PRKAR1B: variants seen among roughly 807,000 people sequenced by gnomAD.
PRKAR1B encodes the protein protein kinase cAMP-dependent type I regulatory subunit beta.
Under a neutral mutation model 46.5 loss-of-function variants are expected in PRKAR1B, and 22 were observed. The observed-to-expected ratio is 0.47, with a 90% CI of 0.34 to 0.68. The LOEUF (loss-of-function observed/expected upper bound fraction) is 0.68. Ranked by LOEUF, PRKAR1B falls within the 30% of genes least tolerant of loss-of-function variation. The pLI is 0.01. For synonymous variants in PRKAR1B, 259 were observed against 217.7 expected (o/e 1.19, Z -1.67); for missense variants, 445 against 535.6 (o/e 0.83, Z 1.67).
At chr7:567,655 T>C (rs1287768404) in intron 9 of PRKAR1B, among the ~76,000 whole-genome samples, 2 of 152,078 alleles carry the variant, frequency 1.3e-5, no homozygotes, top group Non-Finnish European at 2.9e-5. Context: ...ATAAACACAA[T>C]GTGGGCCACT....
chr7:617,323 G>C (rs1583309193), intron 4 of PRKAR1B, among the ~76,000 whole-genome samples: 1 of 134,566 alleles, frequency 7.4e-6, no homozygotes, highest in Admixed American at 7.6e-5. Context: ...TTTTTTTAAA[G>C]AGACCGAGTC....
intron 1 of PRKAR1B, among the ~76,000 whole-genome samples, chr7:724,613 G>C (rs1273117460): frequency 6.6e-6 from 1 of 152,210 alleles, no homozygotes; most frequent in Admixed American, 6.5e-5. Flanking sequence ...CTAATACACT[G>C]TGTTTACTTA....
At chr7:597,228 T>C (rs189216896) in intron 6 of PRKAR1B, among the ~76,000 whole-genome samples, 2 of 152,266 alleles carry the variant, frequency 1.3e-5, no homozygotes, top group African/African-American at 2.4e-5. Flanking sequence ...CAATGAATCA[T>C]GGAATCAATT....
At chr7:578,929 G>C in intron 9 of PRKAR1B, 1 of 874,460 alleles carries the variant, frequency 1.1e-6, no homozygotes, top group Non-Finnish European at 1.5e-6. Flanking sequence ...TGATCCACCC[G>C]CCTCAGCCTC....
chr7:581,128 G>A (rs917305595), intron 8 of PRKAR1B, among the ~76,000 whole-genome samples: 14 of 151,864 alleles, frequency 9.2e-5, no homozygotes, highest in Non-Finnish European at 1.9e-4. Flanking sequence ...ACGGTGAAAC[G>A]CCGTCTCTAC....
At chr7:716,942 G>A (rs1172568217) in intron 1 of PRKAR1B, 1 of 152,240 alleles carries the variant, frequency 6.6e-6, no homozygotes, top group African/African-American at 2.4e-5. Context: ...AGGACTGAGA[G>A]GCTGAGCATG....
At chr7:636,952 G>A (rs1054940521) in intron 4 of PRKAR1B, among the ~76,000 whole-genome samples, 16 of 152,310 alleles carry the variant, frequency 1.1e-4, no homozygotes. Context: ...AAGGTGGGGG[G>A]TGGGGAGTGC....
At chr7:609,362 A>C (rs1292700668) in intron 4 of PRKAR1B, among the ~76,000 whole-genome samples, 1 of 152,202 alleles carries the variant, frequency 6.6e-6, no homozygotes, top group Non-Finnish European at 1.5e-5. Context: ...ATTCCATTAA[A>C]TGCCTTAAGT....
At chr7:635,598 C>G (rs1488942705) in intron 4 of PRKAR1B, among the ~76,000 whole-genome samples, 2 of 152,168 alleles carry the variant, frequency 1.3e-5, no homozygotes, top group East Asian at 3.9e-4. Context: ...CCGGAAGGCT[C>G]GGGACTCCTC....
chr7:582,415 G>A (rs1259644305), intron 8 of PRKAR1B, among the ~76,000 whole-genome samples: 1 of 152,242 alleles, frequency 6.6e-6, no homozygotes, highest in Non-Finnish European at 1.5e-5. Flanking sequence ...CGGAGACACC[G>A]CCCCGCCAGC....
intron 8 of PRKAR1B, among the ~76,000 whole-genome samples, chr7:583,336 TAC>T (rs1780311800): frequency 6.6e-6 from 1 of 151,852 alleles, no homozygotes; most frequent in Non-Finnish European, 1.5e-5. Flanking sequence ...CCACACTGCA[TAC>T]ACACACGTGC....
chr7:670,516 C>T (rs986092287), intron 4 of PRKAR1B, among the ~76,000 whole-genome samples: 2 of 147,712 alleles, frequency 1.4e-5, no homozygotes, highest in Non-Finnish European at 3.0e-5. Flanking sequence ...GGACCGAGGA[C>T]GGCCTCTGAG....
intron 4 of PRKAR1B, among the ~76,000 whole-genome samples, chr7:660,004 G>A (rs557415106): frequency 6.6e-6 from 1 of 152,232 alleles, no homozygotes; most frequent in South Asian, 2.1e-4. Context: ...CGAGGAGCCA[G>A]TGGCCTCTCT....
At chr7:620,972 T>C (rs550035872) in intron 4 of PRKAR1B, among the ~76,000 whole-genome samples, 1 of 152,332 alleles carries the variant, frequency 6.6e-6, no homozygotes, top group South Asian at 2.1e-4. Flanking sequence ...TGCTAAGAAT[T>C]TATGCAATAG....
rs916713362 is a variant in PRKAR1B at position 593,092 on chromosome 7, C to T, written c.708+3054G>A. Among the ~76,000 whole-genome samples the T allele has an allele frequency of 6.6e-6, 1 of 152,192 alleles. No homozygotes were observed. Among genetic ancestry groups the T allele is most frequent in the African/African-American group, 2.4e-5 (1 of 41,448 alleles). ...AAAAAGCAAGTCTGGGGAGTGCTGG[C>T]CCCGGGCTGGGCCCCTGCCTGGGAG... On this transcript the variant is annotated intron_variant, in intron 7 of 10. Coordinates refer to ENST00000537384, the MANE Select transcript of PRKAR1B (RefSeq NM_001164760.2). This position sits in a 1 kb window ranked among gnomAD's most constrained non-coding sequence, Gnocchi z 6.1.
intron 4 of PRKAR1B, among the ~76,000 whole-genome samples, chr7:675,977 G>A (rs2128504821): frequency 6.6e-6 from 1 of 152,132 alleles, no homozygotes; most frequent in South Asian, 2.1e-4. Flanking sequence ...TTTAAAAAAT[G>A]CAAACAGCCG....
chr7:683,875 A>G (rs1016500641), intron 2 of PRKAR1B, among the ~76,000 whole-genome samples: 1 of 152,254 alleles, frequency 6.6e-6, no homozygotes, highest in Non-Finnish European at 1.5e-5. Flanking sequence ...ATCACAGCCA[A>G]GGGCAGTTTC....
rs1784040399 is a variant in PRKAR1B, at chr7:549,441, A to C, written c.*989T>G. On this transcript the variant is annotated 3_prime_UTR_variant, in exon 11 of 11. Coordinates refer to ENST00000537384, the MANE Select transcript of PRKAR1B (RefSeq NM_001164760.2). ...CAGGAGCAACATCAGGTGAACTGCA[A>C]TGACCTCGCTTGTCTTTCGGGGGAA... 1 of 152,346 alleles carries C rather than the reference A, an allele frequency of 6.6e-6. No homozygotes were observed. Among genetic ancestry groups the C allele is most frequent in the Non-Finnish European group, 1.5e-5 (1 of 68,116 alleles). 9.4% of individuals were successfully genotyped at this position (152,346 alleles called of 1,614,324 possible). A position where few individuals can be genotyped will look rare whatever the true frequency, so the allele number is the denominator to read the frequency against.
At chr7:664,577 C>T (rs1008366138) in intron 4 of PRKAR1B, among the ~76,000 whole-genome samples, 9 of 152,146 alleles carry the variant, frequency 5.9e-5, no homozygotes, top group Non-Finnish European at 8.8e-5. Context: ...GATGTGGTAC[C>T]GGAGACCACA....
Sources: allele counts gnomAD v4.1 joint callset (sites outside exome capture counted in the v4.1 genomes callset), GRCh38; gene constraint gnomAD v4.1.1; non-coding constraint Gnocchi (gnomAD v3.1); transcripts MANE v1.5; gene names NCBI Gene and HGNC (gene_info 2026-07-23, HGNC 2026-07-21).